ACTN4: variants seen among roughly 807,000 people sequenced by gnomAD.
ACTN4 encodes the protein actinin alpha 4.
Under a neutral mutation model 114.2 loss-of-function variants are expected in ACTN4, and 18 were observed. The ratio of observed to expected loss-of-function variants is 0.16; its 90% CI spans 0.11 to 0.23. The LOEUF is 0.23. Among genes scored for constraint, ACTN4 ranks in the 10% least tolerant of loss-of-function variants. The pLI is 1.00. For missense variants in ACTN4, 722 were observed against 1,262.9 expected, an observed-to-expected ratio of 0.57 and a Z score of 6.49; for synonymous variants, 515 against 506.3, an observed-to-expected ratio of 1.02 and a Z score of -0.23.
chr19:38,729,325 G>A lies in ACTN4; in HGVS notation c.2629G>A (p.Glu877Lys), dbSNP rs527335986. 2.7e-5 allele frequency: 43 copies of A among 1,612,920 alleles called. No individual in the cohort carries two copies. Among genetic ancestry groups the A allele is most frequent in the South Asian group, 2.4e-4 (22 of 91,084 alleles). ...LRRELPPDQAEYCIARMAPYQ... is the reference protein window; with the variant it reads ...LRRELPPDQAKYCIARMAPYQ... ...GAGAGAGCTGCCCCCCGACCAGGCC[G>A]AGTACTGCATCGCCCGCATGGCGCC... The change falls in exon 21 of 21, where the codon GAG (glutamate) becomes AAG (lysine). Residue 877 changes from glutamate (E) to lysine (K), a missense_variant. By Grantham distance (56) the Glu-to-Lys change is moderately conservative. Transcript: ENST00000252699.
chr19:38,717,442 T>C lies in ACTN4; in HGVS notation c.1143+126T>C, dbSNP rs1968879643. The C allele has an allele frequency of 7.6e-7, 1 of 1,307,644 alleles. No homozygotes were observed. Among genetic ancestry groups the C allele is most frequent in the Non-Finnish European group, 1.1e-6 (1 of 943,198 alleles). The allele number at this position is 1,307,644 out of a possible 1,614,324, so 81.0% of individuals were successfully genotyped here. A position where few individuals can be genotyped will look rare whatever the true frequency, so the allele number is the denominator to read the frequency against. ...ATGTCCTGTGGGACATGGCATGGCC[T>C]TTCGGATGCAGTGGTCGGGGAGGGG... On this transcript the variant is annotated intron_variant, in intron 10 of 20. Coordinates refer to ENST00000252699, the MANE Select transcript of ACTN4 (RefSeq NM_004924.6). The surrounding 1 kb of genome is among the most constrained non-coding windows in gnomAD (Gnocchi z 4.0).
intron 1 of ACTN4, among the ~76,000 whole-genome samples, chr19:38,686,919 A>T (rs1967762507): frequency 6.6e-6 from 1 of 150,576 alleles, no homozygotes; most frequent in Non-Finnish European, 1.5e-5. Context: ...GGTTTCTTTT[A>T]GCTCCAAGCA....
chr19:38,717,035 A>G lies in ACTN4; in HGVS notation c.913-51A>G, dbSNP rs771187908. 54 of 1,565,830 alleles carry G rather than the reference A, an allele frequency of 3.4e-5. No homozygotes were observed. The highest frequency in any genetic ancestry group is 1.1e-4 in the Admixed American group (6 of 54,250). ...CCCATAAGCTGGGGGGCAGCCCGTC[A>G]GCACTCTGAGGGTCCCCCACAAAGG... On this transcript the variant is annotated intron_variant, in intron 9 of 20. Transcript: ENST00000252699. The surrounding 1 kb of genome is among the most constrained non-coding windows in gnomAD (Gnocchi z 4.0).
chr19:38,725,864 C>T lies in ACTN4; in HGVS notation c.2151C>T (p.Ala717=), dbSNP rs202081751. 1 of 1,614,030 alleles carries T rather than the reference C, an allele frequency of 6.2e-7. No individual in the cohort carries two copies. Among genetic ancestry groups the T allele is most frequent in the African/African-American group, 1.3e-5 (1 of 74,944 alleles). Residue 717 remains alanine, a synonymous_variant, in exon 17 of 21, where the codon GCC becomes GCT. Transcript: ENST00000252699. ...LEQQHQLIQE[A]LIFDNKHTNY... ...AGCAGCACCAGCTCATCCAGGAGGC[C>T]CTCATCTTCGACAACAAGCACACCA...
chr19:38,652,292 TA>T (rs1347593858), intron 1 of ACTN4, among the ~76,000 whole-genome samples: 1 of 152,152 alleles, frequency 6.6e-6, no homozygotes, highest in Non-Finnish European at 1.5e-5. Context: ...GTAAGAGGGA[TA>T]GGGGAGGCCA....
chr19:38,684,151 A>AT (rs1967666381), intron 1 of ACTN4: 2 of 152,290 alleles, frequency 1.3e-5, no homozygotes, highest in African/African-American at 4.8e-5. Context: ...TATCTGTAAA[A>AT]TTAGAGCACG....
chr19:38,713,570 C>T (rs1005745708), intron 8 of ACTN4, among the ~76,000 whole-genome samples: 3 of 152,164 alleles, frequency 2.0e-5, no homozygotes, highest in Non-Finnish European at 4.4e-5. Context: ...TGTGTGCGCT[C>T]ACACGAGCAC....
chr19:38,656,857 C>T (rs1976727454), intron 1 of ACTN4, among the ~76,000 whole-genome samples: 1 of 152,164 alleles, frequency 6.6e-6, no homozygotes, highest in African/African-American at 2.4e-5. Context: ...TTTTCCCCTC[C>T]CTGATGTCTT....
rs1343294379 is a variant in ACTN4, at chr19:38,691,411, A to C, written c.163-9189A>C. 3.5e-4 allele frequency among the ~76,000 whole-genome samples: 52 copies of C among 149,230 alleles called. 1 individual carries two copies. The highest frequency in any genetic ancestry group is 4.0e-4 in the East Asian group (2 of 4,994). Reference sequence around the variant, plus strand: ...AGTGAAACTCCGTCTCAAAAAAAAAAAAACAAAAAAAACAAAAAAAAAAAC... The same window carrying C: ...AGTGAAACTCCGTCTCAAAAAAAAACAAACAAAAAAAACAAAAAAAAAAAC... On this transcript the variant is annotated intron_variant, in intron 1 of 20. Coordinates refer to ENST00000252699, the MANE Select transcript of ACTN4 (RefSeq NM_004924.6).
intron 13 of ACTN4, 44 bp downstream of exon 13, chr19:38,723,766 T>C (rs761711370): frequency 6.6e-7 from 1 of 1,518,662 alleles, no homozygotes; most frequent in Non-Finnish European, 9.0e-7. Flanking sequence ...GTGCCCCTGC[T>C]GCCCCGGGGC....
intron 11 of ACTN4, among the ~76,000 whole-genome samples, chr19:38,719,808 T>C (rs1209608476): frequency 6.6e-6 from 1 of 152,212 alleles, no homozygotes. Flanking sequence ...GCCCTGCAGA[T>C]GGTTTCCTGA....
chr19:38,714,343 T>G (rs899623185), intron 8 of ACTN4, 126 bp from the exon 9 acceptor site: 26 of 843,956 alleles, frequency 3.1e-5, no homozygotes, highest in Non-Finnish European at 4.7e-5. Flanking sequence ...ACTGGAGCTG[T>G]GCTTCCTCTC....
At chr19:38,718,200 C>G (rs1402333009) in intron 11 of ACTN4, 126 bp downstream of exon 11, 1 of 1,478,042 alleles carries the variant, frequency 6.8e-7, no homozygotes, top group African/African-American at 1.4e-5. Flanking sequence ...GGTGCCCTTT[C>G]TTGCTGCTTG....
chr19:38,679,073 T>C (rs777506383), intron 1 of ACTN4, among the ~76,000 whole-genome samples: 32 of 152,210 alleles, frequency 2.1e-4, no homozygotes, highest in Non-Finnish European at 4.1e-4. Flanking sequence ...ATCCAGTCTT[T>C]CTCCTGTAGG....
chr19:38,714,999 G>A (rs569009897), intron 9 of ACTN4, among the ~76,000 whole-genome samples: 52 of 152,282 alleles, frequency 3.4e-4, no homozygotes, highest in Middle Eastern at 6.8e-3. Flanking sequence ...ACGGGAACTC[G>A]GATTATCCTC....
intron 1 of ACTN4, among the ~76,000 whole-genome samples, chr19:38,657,296 C>A (rs1976740595): frequency 6.6e-6 from 1 of 152,116 alleles, no homozygotes; most frequent in Admixed American, 6.5e-5. Flanking sequence ...GCGCGCGCCA[C>A]GACGCCCAGC....
At chr19:38,673,913 C>T (rs1202275516) in intron 1 of ACTN4, among the ~76,000 whole-genome samples, 1 of 148,362 alleles carries the variant, frequency 6.7e-6, no homozygotes, top group Non-Finnish European at 1.5e-5. Flanking sequence ...TCCTGAGTAG[C>T]TGGGATTACA....
chr19:38,692,914 C>T (rs1441825472), intron 1 of ACTN4, among the ~76,000 whole-genome samples: 4 of 152,102 alleles, frequency 2.6e-5, no homozygotes, highest in Non-Finnish European at 5.9e-5. Context: ...CCCAGCGGAG[C>T]GACAAACCCT....
chr19:38,673,725 ACT>A (rs1174756433), intron 1 of ACTN4, among the ~76,000 whole-genome samples: 4 of 42,068 alleles, frequency 9.5e-5, no homozygotes, highest in East Asian at 7.5e-4. Flanking sequence ...ATTTATATAT[ACT>A]TATATATATT....
Sources: allele counts gnomAD v4.1 joint callset (sites outside exome capture counted in the v4.1 genomes callset), GRCh38; gene constraint gnomAD v4.1.1; non-coding constraint Gnocchi (gnomAD v3.1); transcripts MANE v1.5; gene names NCBI Gene and HGNC (gene_info 2026-07-23, HGNC 2026-07-21).